The following ATRNL1 variants were observed in gnomAD, a reference collection of about 807,000 sequenced individuals.
ATRNL1 encodes the protein attractin like 1.
ATRNL1 carries 95 observed loss-of-function variants against 182.7 expected under a neutral mutation model. That is an observed-to-expected ratio of 0.52 (90% CI 0.44 to 0.62). The LOEUF is 0.62. Among genes scored for constraint, ATRNL1 ranks in the 20% least tolerant of loss-of-function variants. The pLI is 0.00. For missense variants in ATRNL1, 1,471 were observed against 1,679.5 expected, an observed-to-expected ratio of 0.88 and a Z score of 2.17; for synonymous variants, 576 against 568.3, an observed-to-expected ratio of 1.01 and a Z score of -0.19.
chr10:115,651,912 T>C (rs910778266), intron 26 of ATRNL1, among the ~76,000 whole-genome samples: 34 of 152,120 alleles, frequency 2.2e-4, no homozygotes, highest in African/African-American at 8.2e-4. Context: ...AAAAGATACT[T>C]GTAGAAAATA....
At chr10:115,431,812 T>G (rs1846179718) in intron 21 of ATRNL1, among the ~76,000 whole-genome samples, 1 of 152,122 alleles carries the variant, frequency 6.6e-6, no homozygotes, top group African/African-American at 2.4e-5. Context: ...ATTTCAAATA[T>G]CCTGGATTTA....
chr10:115,531,874 A>G (rs1240682458), intron 25 of ATRNL1, among the ~76,000 whole-genome samples: 1 of 144,636 alleles, frequency 6.9e-6, no homozygotes, highest in African/African-American at 2.4e-5. Context: ...AGCACCATTT[A>G]TTAAATAGGG....
Position 115,657,817 on chromosome 10 carries a change from T to C in ATRNL1, c.3796-69431T>C, listed in dbSNP as rs1210541926. ...TCTCCCTTTTCTTCTTTATCTTTTC[T>C]GTTTCTACCCCTGTATCTTTCTGAC... On this transcript the variant is annotated intron_variant, in intron 26 of 28. Transcript: ENST00000355044. 2.0e-5 allele frequency among the ~76,000 whole-genome samples: 3 copies of C among 152,276 alleles called. No individual in the cohort carries two copies. The East Asian group carries it at 5.8e-4, about 29-fold the overall frequency.
chr10:115,628,185 A>G (rs1555025272), intron 26 of ATRNL1, among the ~76,000 whole-genome samples: 1 of 151,794 alleles, frequency 6.6e-6, no homozygotes, highest in African/African-American at 2.4e-5. Context: ...GAAATGAACC[A>G]TTTTATAGTA....
intron 21 of ATRNL1, among the ~76,000 whole-genome samples, chr10:115,439,024 G>T (rs974516336): frequency 1.5e-4 from 23 of 151,784 alleles, no homozygotes; most frequent in Non-Finnish European, 4.4e-5. Context: ...CATATATTTT[G>T]TATGTTATAT....
At chr10:115,153,663 C>T (rs565808405) in intron 5 of ATRNL1, among the ~76,000 whole-genome samples, 2 of 152,102 alleles carry the variant, frequency 1.3e-5, no homozygotes, top group South Asian at 4.2e-4. Context: ...AAAAATCCAG[C>T]TCCTGCTCCT....
At chr10:115,527,230 C>T (rs1347559148) in intron 25 of ATRNL1, among the ~76,000 whole-genome samples, 1 of 151,658 alleles carries the variant, frequency 6.6e-6, no homozygotes, top group African/African-American at 2.4e-5. Flanking sequence ...GCGATCCTCC[C>T]ACCTCAGCCT....
chr10:115,788,834 T>A (rs782359836), intron 27 of ATRNL1, among the ~76,000 whole-genome samples: 1 of 152,168 alleles, frequency 6.6e-6, no homozygotes, highest in Non-Finnish European at 1.5e-5. Context: ...CCTTTCTAAC[T>A]GTGGCAAAGG....
intron 27 of ATRNL1, among the ~76,000 whole-genome samples, chr10:115,733,383 G>A (rs1327428587): frequency 6.6e-5 from 10 of 152,122 alleles, no homozygotes; most frequent in African/African-American, 2.2e-4. Context: ...GAAGCATACG[G>A]TAACCTAGAA....
intron 7 of ATRNL1, among the ~76,000 whole-genome samples, chr10:115,168,456 A>ATAG (rs1847144304): frequency 6.6e-6 from 1 of 152,038 alleles, no homozygotes; most frequent in Admixed American, 6.6e-5. Context: ...TTCTATTTCT[A>ATAG]TACATCCTTG....
chr10:115,218,207 A>G (rs1209624822), intron 9 of ATRNL1, among the ~76,000 whole-genome samples: 1 of 151,646 alleles, frequency 6.6e-6, no homozygotes. Flanking sequence ...GATGGGAGAC[A>G]GTGACACCGA....
At chr10:115,816,794 CTG>C (rs1322789152) in intron 27 of ATRNL1, among the ~76,000 whole-genome samples, 1 of 152,052 alleles carries the variant, frequency 6.6e-6, no homozygotes, top group Non-Finnish European at 1.5e-5. Flanking sequence ...GCCCTCATCA[CTG>C]TGAGGAATGG....
intron 19 of ATRNL1, among the ~76,000 whole-genome samples, chr10:115,337,301 C>CCTT (rs199671172): frequency 0.013 from 1,965 of 152,134 alleles, 38 homozygotes; most frequent in African/African-American, 0.044. Context: ...AATAGGGTAA[C>CCTT]CTGCTCAAGC....
chr10:115,368,380 G>T (rs1265577005), intron 19 of ATRNL1, among the ~76,000 whole-genome samples: 1 of 152,192 alleles, frequency 6.6e-6, no homozygotes, highest in Non-Finnish European at 1.5e-5. Flanking sequence ...CCCTGCTTCG[G>T]CTCGCGCACG....
intron 26 of ATRNL1, among the ~76,000 whole-genome samples, chr10:115,689,918 G>A (rs1351477650): frequency 6.6e-6 from 1 of 152,124 alleles, no homozygotes; most frequent in African/African-American, 2.4e-5. Flanking sequence ...ATGCACCTCA[G>A]CCTCCAGTGG....
chr10:115,678,340 C>T (rs900640779), intron 26 of ATRNL1, among the ~76,000 whole-genome samples: 2 of 152,026 alleles, frequency 1.3e-5, no homozygotes, highest in African/African-American at 4.8e-5. Context: ...ACAATAAATA[C>T]CAATCTCTAT....
intron 27 of ATRNL1, among the ~76,000 whole-genome samples, chr10:115,817,986 G>C (rs1388324441): frequency 1.3e-5 from 2 of 151,466 alleles, no homozygotes; most frequent in Non-Finnish European, 2.9e-5. Flanking sequence ...TCATCAGGGA[G>C]AGACTATTTT....
intron 28 of ATRNL1, among the ~76,000 whole-genome samples, chr10:115,924,438 A>C (rs1375933357): frequency 2.0e-5 from 3 of 152,072 alleles, no homozygotes; most frequent in Non-Finnish European, 4.4e-5. Flanking sequence ...AGGTGTAAGG[A>C]AGGGGTCCTG....
intron 19 of ATRNL1, among the ~76,000 whole-genome samples, chr10:115,373,888 G>C (rs1373989957): frequency 1.3e-5 from 2 of 151,746 alleles, no homozygotes; most frequent in East Asian, 3.9e-4. Flanking sequence ...ATATAAAAAT[G>C]AGTTTGGAAA....
Sources: gnomAD v4.1 joint callset for allele counts (sites outside exome capture counted in the v4.1 genomes callset) on GRCh38, gnomAD v4.1.1 for gene constraint, MANE v1.5 for transcripts, NCBI Gene and HGNC (gene_info 2026-07-23, HGNC 2026-07-21) for gene names.